Variants in MYT1L observed in about 807,000 individuals in gnomAD.
The protein encoded by MYT1L is myelin transcription factor 1 like.
Under a neutral mutation model 126.7 loss-of-function variants are expected in MYT1L, and 12 were observed. The ratio of observed to expected loss-of-function variants is 0.09; its 90% CI spans 0.06 to 0.15. The LOEUF is 0.15. Among genes scored for constraint, MYT1L ranks in the 10% least tolerant of loss-of-function variants. MYT1L has a pLI of 1.00. For missense variants in MYT1L, 979 were observed against 1,585.2 expected (o/e 0.62, Z 6.49); for synonymous variants, 541 against 604.2 (o/e 0.90, Z 1.53).
At chr2:2,196,141 T>C (rs77277182) in intron 2 of MYT1L, among the ~76,000 whole-genome samples, 26,289 of 151,944 alleles carry the variant, frequency 0.17, 2,442 homozygotes, top group African/African-American at 0.26. Flanking sequence ...AAAAAATTTT[T>C]TAAATGCCAG....
chr2:1,806,788 C>T lies in MYT1L; in HGVS notation c.3172+2288G>A, dbSNP rs1014333544. 6.6e-6 allele frequency among the ~76,000 whole-genome samples: 1 copy of T among 152,140 alleles called. No individual in the cohort carries two copies. ...TCCTTTTCTGTTTTGAACTGGCCTACCTAACCTAACCGCCACTTCCTTCAT... is the reference window on the plus strand; with the variant it reads ...TCCTTTTCTGTTTTGAACTGGCCTATCTAACCTAACCGCCACTTCCTTCAT... On this transcript the variant is annotated intron_variant, in intron 22 of 24. Coordinates refer to ENST00000647738, the MANE Select transcript of MYT1L (RefSeq NM_001303052.2). This position sits in a 1 kb window ranked among gnomAD's most constrained non-coding sequence, Gnocchi z 4.9.
intron 1 of MYT1L, among the ~76,000 whole-genome samples, chr2:2,329,470 A>G (rs1013273976): frequency 1.3e-5 from 2 of 152,032 alleles, no homozygotes; most frequent in Admixed American, 1.3e-4. Flanking sequence ...ACTGATTCTT[A>G]TAGTCCTCTG....
chr2:1,849,256 C>T (rs1308278834), intron 19 of MYT1L, among the ~76,000 whole-genome samples: 1 of 152,122 alleles, frequency 6.6e-6, no homozygotes, highest in Non-Finnish European at 1.5e-5. Context: ...GAAGCTCTGG[C>T]CACGTGAGAG....
chr2:2,195,814 G>A (rs999149325), intron 2 of MYT1L, among the ~76,000 whole-genome samples: 1 of 151,968 alleles, frequency 6.6e-6, no homozygotes, highest in Admixed American at 6.6e-5. Context: ...GAGAGAATTA[G>A]TGAACTGGAA....
intron 19 of MYT1L, among the ~76,000 whole-genome samples, chr2:1,847,539 A>G (rs1040372750): frequency 6.6e-6 from 1 of 152,148 alleles, no homozygotes; most frequent in African/African-American, 2.4e-5. Context: ...CCTGGAGACT[A>G]CAGGTGAAGG....
intron 4 of MYT1L, among the ~76,000 whole-genome samples, chr2:2,020,991 C>A (rs2064972666): frequency 6.6e-6 from 1 of 152,218 alleles, no homozygotes; most frequent in African/African-American, 2.4e-5. Context: ...GTGAACTGCA[C>A]AGGTGAGTCT....
chr2:2,302,524 G>A (rs887205073), intron 1 of MYT1L, among the ~76,000 whole-genome samples: 1 of 152,180 alleles, frequency 6.6e-6, no homozygotes, highest in African/African-American at 2.4e-5. Context: ...TGACTGAGAT[G>A]TCAAATTGCA....
chr2:2,119,779 CTCTT>C (rs781107034), intron 3 of MYT1L, among the ~76,000 whole-genome samples: 14 of 151,086 alleles, frequency 9.3e-5, no homozygotes, highest in South Asian at 2.1e-4. Context: ...TGTATGCATT[CTCTT>C]TCTAATTATA....
chr2:2,039,245 A>T (rs1032209007), intron 4 of MYT1L, among the ~76,000 whole-genome samples: 6 of 152,078 alleles, frequency 3.9e-5, no homozygotes, highest in African/African-American at 1.2e-4. Context: ...TTTTATAAAC[A>T]TTCTACCTAT....
rs376911275 is a variant in MYT1L, at chr2:1,943,154, G to A, written c.333C>T (p.Ser111=). 11 of 1,540,162 alleles carry A rather than the reference G, an allele frequency of 7.1e-6. No homozygotes were observed. Among genetic ancestry groups the A allele is most frequent in the Middle Eastern group, 1.7e-4 (1 of 6,000 alleles). The change falls in exon 9 of 25, where the codon TCC becomes TCT. Residue 111 remains serine (S), a synonymous_variant. Coordinates refer to ENST00000647738, the MANE Select transcript of MYT1L (RefSeq NM_001303052.2). This position sits in a 1 kb window ranked among gnomAD's most constrained non-coding sequence, Gnocchi z 4.4. ...CATCCCCTGGCTCATCATTGTCCTC[G>A]GAGTACTCCTCCCCCTCATCCTCCT... ...EKEEDEGEEY[S]EDNDEPGDED...
intron 3 of MYT1L, among the ~76,000 whole-genome samples, chr2:2,109,062 T>C (rs2079073058): frequency 6.6e-6 from 1 of 152,198 alleles, no homozygotes; most frequent in South Asian, 2.1e-4. Flanking sequence ...CAATCCTTAG[T>C]TGCTAAAAGT....
At chr2:1,920,143 G>C (rs2053387908) in intron 10 of MYT1L, among the ~76,000 whole-genome samples, 1 of 152,164 alleles carries the variant, frequency 6.6e-6, no homozygotes, top group Non-Finnish European at 1.5e-5. Flanking sequence ...AGCTGGGTGA[G>C]ACTGGAGTCA....
chr2:2,040,464 C>A (rs2067406782), intron 4 of MYT1L, among the ~76,000 whole-genome samples: 1 of 152,170 alleles, frequency 6.6e-6, no homozygotes, highest in African/African-American at 2.4e-5. Context: ...GTGCAGGCGA[C>A]CCCCTGACCA....
chr2:1,860,579 G>C (rs2044462675), intron 18 of MYT1L, among the ~76,000 whole-genome samples: 1 of 152,206 alleles, frequency 6.6e-6, no homozygotes, highest in Non-Finnish European at 1.5e-5. Context: ...TTTACATGTA[G>C]TAAAAACATG....
At chr2:2,016,463 C>G (rs1424039146) in intron 4 of MYT1L, among the ~76,000 whole-genome samples, 1 of 152,214 alleles carries the variant, frequency 6.6e-6, no homozygotes, top group Non-Finnish European at 1.5e-5. Context: ...CTCAAGAGTT[C>G]TCACAGCCGC....
chr2:2,171,663 C>T (rs1013514988), intron 3 of MYT1L, among the ~76,000 whole-genome samples: 5 of 151,912 alleles, frequency 3.3e-5, no homozygotes, highest in Non-Finnish European at 5.9e-5. Context: ...GGGAAATGTA[C>T]GATTAAACAT....
chr2:2,124,501 G>A (rs1054168227), intron 3 of MYT1L, among the ~76,000 whole-genome samples: 1 of 152,126 alleles, frequency 6.6e-6, no homozygotes, highest in Admixed American at 6.5e-5. Flanking sequence ...TCACCATGTT[G>A]CCCAGGCTGG....
chr2:2,219,578 C>T (rs1472832756), intron 2 of MYT1L, among the ~76,000 whole-genome samples: 1 of 152,352 alleles, frequency 6.6e-6, no homozygotes, highest in East Asian at 1.9e-4. Context: ...TCCAAGCAAG[C>T]ATTAGGTCAT....
At chr2:1,799,583 G>T (rs1276758058) in intron 23 of MYT1L, among the ~76,000 whole-genome samples, 3 of 152,234 alleles carry the variant, frequency 2.0e-5, no homozygotes, top group Non-Finnish European at 4.4e-5. Context: ...GAATTGGGTT[G>T]CCCCAGTAGA....
Sources: allele counts gnomAD v4.1 joint callset (sites outside exome capture counted in the v4.1 genomes callset), GRCh38; gene constraint gnomAD v4.1.1; non-coding constraint Gnocchi (gnomAD v3.1); transcripts MANE v1.5; gene names NCBI Gene and HGNC (gene_info 2026-07-23, HGNC 2026-07-21).